Variants in ADGRA3 observed in about 807,000 individuals in gnomAD.
ADGRA3 encodes G-protein coupled receptor 125.
ADGRA3 carries 56 observed loss-of-function variants against 119.8 expected under a neutral mutation model. The observed-to-expected ratio is 0.47, with a 90% CI of 0.38 to 0.58. The LOEUF (loss-of-function observed/expected upper bound fraction) is 0.58, where lower values mean the gene tolerates loss of function less well. ADGRA3 is among the 20% of genes least tolerant of loss of function. The probability of loss-of-function intolerance (pLI) is 0.00; values close to 1 mark genes in which losing one functional copy is unlikely to be tolerated. For synonymous variants in ADGRA3, 607 were observed against 623.8 expected, an observed-to-expected ratio of 0.97 and a Z score of 0.40; for missense variants, 1,516 against 1,649.0, an observed-to-expected ratio of 0.92 and a Z score of 1.40.
chr4:22,441,927 T>C (rs1716630650), intron 7 of ADGRA3, among the ~76,000 whole-genome samples: 1 of 152,138 alleles, frequency 6.6e-6, no homozygotes, highest in African/African-American at 2.4e-5. Context: ...CTTTAGTTTT[T>C]CAGTAATCTT....
chr4:22,394,832 T>C (rs564479222), intron 16 of ADGRA3: 1 of 152,332 alleles, frequency 6.6e-6, no homozygotes, highest in African/African-American at 2.4e-5. Flanking sequence ...TGAAGCCTGA[T>C]TATTACCAAT....
chr4:22,472,024 G>T (rs942416540), intron 2 of ADGRA3, among the ~76,000 whole-genome samples: 3 of 152,068 alleles, frequency 2.0e-5, no homozygotes, highest in Non-Finnish European at 4.4e-5. Flanking sequence ...ACTTTTTATG[G>T]TGTGCATGAA....
rs776291692 is a variant in ADGRA3, at chr4:22,438,245, A to C, written c.1085+11T>G. The C allele has an allele frequency of 6.2e-7, 1 of 1,606,092 alleles. No homozygotes were observed. The highest frequency in any genetic ancestry group is 1.7e-5 in the Admixed American group (1 of 59,630). ...AATTAAACTTTTCCCCGTATTTTCCACAACACTGACCTGAAGTCACCTTTG... is the reference window on the plus strand; with the variant it reads ...AATTAAACTTTTCCCCGTATTTTCCCCAACACTGACCTGAAGTCACCTTTG... On this transcript the variant is annotated intron_variant, in intron 8 of 18. Coordinates refer to ENST00000334304, the MANE Select transcript of ADGRA3 (RefSeq NM_145290.4).
At chr4:22,420,424 G>C (rs1715608347) in intron 12 of ADGRA3, 1 of 163,166 alleles carries the variant, frequency 6.1e-6, no homozygotes, top group Non-Finnish European at 1.3e-5. Context: ...CAAAAATTTT[G>C]ATATACAGCT....
intron 1 of ADGRA3, among the ~76,000 whole-genome samples, chr4:22,499,836 AG>A (rs1718987168): frequency 6.6e-6 from 1 of 152,216 alleles, no homozygotes; most frequent in African/African-American, 2.4e-5. Flanking sequence ...AACAGTTGTT[AG>A]TTACTTGGAC....
intron 1 of ADGRA3, among the ~76,000 whole-genome samples, chr4:22,501,747 T>G (rs1008238504): frequency 6.7e-6 from 1 of 150,094 alleles, no homozygotes; most frequent in Admixed American, 6.7e-5. Flanking sequence ...GTAAAAAGTT[T>G]TATAATCACA....
chr4:22,497,933 G>C (rs1445361242), intron 1 of ADGRA3, among the ~76,000 whole-genome samples: 3 of 124,120 alleles, frequency 2.4e-5, no homozygotes, highest in Non-Finnish European at 5.1e-5. Context: ...AATAGAAAAA[G>C]ACCCCATCTA....
chr4:22,490,846 A>C (rs892339392), intron 1 of ADGRA3, among the ~76,000 whole-genome samples: 2 of 152,202 alleles, frequency 1.3e-5, no homozygotes, highest in Non-Finnish European at 1.5e-5. Flanking sequence ...CCACTAACTG[A>C]GCTGCATAAA....
intron 16 of ADGRA3, 90 bp from the exon 17 acceptor site, chr4:22,392,780 T>A: frequency 8.2e-7 from 1 of 1,220,712 alleles, no homozygotes; most frequent in Non-Finnish European, 1.1e-6. Context: ...GAAGTCTGAT[T>A]TGAAAGCAGC....
chr4:22,437,913 A>G (rs1263206797), intron 8 of ADGRA3, among the ~76,000 whole-genome samples: 1 of 152,090 alleles, frequency 6.6e-6, no homozygotes, highest in Non-Finnish European at 1.5e-5. Flanking sequence ...ACTGGGGGGA[A>G]AAAAAACAGA....
intron 1 of ADGRA3, among the ~76,000 whole-genome samples, chr4:22,504,742 C>T (rs934835482): frequency 3.9e-5 from 6 of 151,980 alleles, no homozygotes; most frequent in Non-Finnish European, 7.4e-5. Context: ...CTTCTACCTT[C>T]TTTTTTTGTG....
chr4:22,488,598 T>TC (rs140882759), intron 1 of ADGRA3, among the ~76,000 whole-genome samples: 20,004 of 152,068 alleles, frequency 0.13, 1,516 homozygotes, highest in East Asian at 0.27. Flanking sequence ...CATGGCTACT[T>TC]CGGGGATCTA....
intron 1 of ADGRA3, among the ~76,000 whole-genome samples, chr4:22,498,923 CA>C (rs11299508): frequency 0.9 from 136,027 of 150,652 alleles, 61,456 homozygotes; most frequent in East Asian, 0.98. Flanking sequence ...AAAAAAAAAA[CA>C]AAAAAAACAA....
intron 11 of ADGRA3, among the ~76,000 whole-genome samples, chr4:22,423,650 G>T (rs1288555645): frequency 6.6e-6 from 1 of 152,128 alleles, no homozygotes; most frequent in East Asian, 1.9e-4. Flanking sequence ...CCCAAGAGTG[G>T]GATTGACTGA....
At chr4:22,493,586 T>C (rs570921812) in intron 1 of ADGRA3, among the ~76,000 whole-genome samples, 27 of 152,314 alleles carry the variant, frequency 1.8e-4, no homozygotes, top group South Asian at 6.2e-4. Flanking sequence ...TTTTTGTGCA[T>C]TGGGCTATGT....
intron 1 of ADGRA3, among the ~76,000 whole-genome samples, chr4:22,511,949 T>C (rs755888328): frequency 1.6e-4 from 23 of 141,924 alleles, no homozygotes; most frequent in Non-Finnish European, 2.6e-4. Flanking sequence ...CAGGCTGAAG[T>C]GCAGTGGCAC....
At chr4:22,449,596 C>T (rs950442127) in intron 4 of ADGRA3, among the ~76,000 whole-genome samples, 2 of 152,090 alleles carry the variant, frequency 1.3e-5, no homozygotes, top group Non-Finnish European at 2.9e-5. Flanking sequence ...ACTTGTAATC[C>T]AGCACTTTGG....
At chr4:22,462,641 G>A (rs1427329078) in intron 2 of ADGRA3, among the ~76,000 whole-genome samples, 2 of 152,098 alleles carry the variant, frequency 1.3e-5, no homozygotes, top group Non-Finnish European at 2.9e-5. Flanking sequence ...ATGAGGTGAG[G>A]ATATAAAATA....
intron 4 of ADGRA3, 77 bp downstream of exon 4, chr4:22,454,789 A>G: frequency 9.6e-7 from 1 of 1,044,768 alleles, no homozygotes; most frequent in Admixed American, 1.7e-5. Context: ...ATAATTAAAT[A>G]CATAAGTTTC....
Sources: allele counts gnomAD v4.1 joint callset (sites outside exome capture counted in the v4.1 genomes callset), GRCh38; gene constraint gnomAD v4.1.1; transcripts MANE v1.5; gene names NCBI Gene and HGNC (gene_info 2026-07-23, HGNC 2026-07-21).